Variants in TMEM132D observed in about 807,000 individuals in gnomAD.
TMEM132D encodes the protein transmembrane protein 132D.
TMEM132D carries 21 observed loss-of-function variants against 62.3 expected under a neutral mutation model. The ratio of observed to expected loss-of-function variants is 0.34; its 90% confidence interval spans 0.24 to 0.49. The LOEUF is 0.49. Ranked by LOEUF, TMEM132D falls within the 20% of genes least tolerant of loss-of-function variation. TMEM132D has a pLI of 0.99. For missense variants in TMEM132D, 1,346 were observed against 1,402.8 expected, an observed-to-expected ratio of 0.96 and a Z score of 0.65; for synonymous variants, 621 against 575.6, an observed-to-expected ratio of 1.08 and a Z score of -1.13.
At chr12:129,197,030 T>C (rs533783093) in intron 5 of TMEM132D, among the ~76,000 whole-genome samples, 2 of 152,246 alleles carry the variant, frequency 1.3e-5, no homozygotes, top group East Asian at 3.9e-4. Flanking sequence ...TGGCACTTTC[T>C]CTACAGAGGA....
chr12:129,157,614 A>G (rs1877285274), intron 5 of TMEM132D, among the ~76,000 whole-genome samples: 1 of 152,250 alleles, frequency 6.6e-6, no homozygotes, highest in Non-Finnish European at 1.5e-5. Flanking sequence ...TACAAATGCA[A>G]ATGAAACACA....
At chr12:129,719,988 C>T (rs947309603) in intron 1 of TMEM132D, among the ~76,000 whole-genome samples, 4 of 151,558 alleles carry the variant, frequency 2.6e-5, no homozygotes, top group Non-Finnish European at 4.4e-5. Context: ...AAATCTCAAG[C>T]GGGCCATTAA....
intron 3 of TMEM132D, among the ~76,000 whole-genome samples, chr12:129,383,531 C>T (rs1871013973): frequency 6.6e-6 from 1 of 152,086 alleles, no homozygotes. Flanking sequence ...CTCACTGCAC[C>T]CTCTGCCTCC....
intron 3 of TMEM132D, among the ~76,000 whole-genome samples, chr12:129,363,198 A>G (rs57525660): frequency 0.018 from 2,769 of 152,308 alleles, 95 homozygotes; most frequent in African/African-American, 0.063. Context: ...AGGGAAAGCG[A>G]CATCACAGCT....
At chr12:129,380,377 T>C (rs1218031221) in intron 3 of TMEM132D, among the ~76,000 whole-genome samples, 1 of 152,194 alleles carries the variant, frequency 6.6e-6, no homozygotes, top group Non-Finnish European at 1.5e-5. Context: ...TTGTAACTTA[T>C]ATTGATATAA....
chr12:129,308,347 A>G (rs1220941924), intron 4 of TMEM132D, among the ~76,000 whole-genome samples: 3 of 152,202 alleles, frequency 2.0e-5, no homozygotes, highest in Non-Finnish European at 4.4e-5. Context: ...GTAAACATCC[A>G]TAAAGTATCT....
intron 4 of TMEM132D, among the ~76,000 whole-genome samples, chr12:129,327,687 C>G (rs11060248): frequency 6.6e-6 from 1 of 152,034 alleles, no homozygotes; most frequent in African/African-American, 2.4e-5. Flanking sequence ...TTATCTTCAC[C>G]ATCCCCATCA....
intron 3 of TMEM132D, among the ~76,000 whole-genome samples, chr12:129,513,856 G>T (rs1875585627): frequency 8.2e-6 from 1 of 121,522 alleles, no homozygotes; most frequent in Non-Finnish European, 1.8e-5. Context: ...TTATTTTTTT[G>T]AGACGGAGTC....
At chr12:129,289,930 C>T (rs763581735) in intron 4 of TMEM132D, among the ~76,000 whole-genome samples, 9 of 152,216 alleles carry the variant, frequency 5.9e-5, no homozygotes, top group South Asian at 2.1e-4. Context: ...ACTAAGCAGA[C>T]GCAGCCACCC....
chr12:129,719,001 C>T (rs552351476), intron 1 of TMEM132D, among the ~76,000 whole-genome samples: 2 of 151,220 alleles, frequency 1.3e-5, no homozygotes, highest in Non-Finnish European at 2.9e-5. Flanking sequence ...CATTGGGAAG[C>T]CAAGGCAGAC....
chr12:129,635,933 T>G (rs1290675048), intron 2 of TMEM132D, among the ~76,000 whole-genome samples: 1 of 152,256 alleles, frequency 6.6e-6, no homozygotes, highest in Non-Finnish European at 1.5e-5. Context: ...ACAGGACAAC[T>G]GTCCTGATGC....
intron 1 of TMEM132D, among the ~76,000 whole-genome samples, chr12:129,761,699 A>C (rs943655388): frequency 6.6e-6 from 1 of 151,390 alleles, no homozygotes; most frequent in African/African-American, 2.4e-5. Flanking sequence ...CTGCTTTCAC[A>C]GGGGATTTGG....
At chr12:129,721,247 G>A (rs374618268) in intron 1 of TMEM132D, among the ~76,000 whole-genome samples, 1 of 152,182 alleles carries the variant, frequency 6.6e-6, no homozygotes, top group Non-Finnish European at 1.5e-5. Flanking sequence ...GGCTGGCCCG[G>A]TGTTCCCTCT....
chr12:129,274,819 G>A (rs940458421), intron 4 of TMEM132D, among the ~76,000 whole-genome samples: 13 of 152,232 alleles, frequency 8.5e-5, no homozygotes, highest in South Asian at 2.1e-4. Context: ...CCCGGGAGGC[G>A]GAGCTTGCAG....
chr12:129,568,964 T>C (rs927144087), intron 2 of TMEM132D, among the ~76,000 whole-genome samples: 4 of 152,102 alleles, frequency 2.6e-5, no homozygotes, highest in Admixed American at 1.3e-4. Flanking sequence ...CACAGAAGGT[T>C]GGGCCCCATA....
In TMEM132D at chr12:129,154,903, C is replaced by T. The variant is rs114129147; in HGVS notation, c.1443+54617G>A. ...CAATTGCTGTTGATTTCTCTGTGCA[C>T]GCCACTGAAAAGACACTTTCTCAGT... On this transcript the variant is annotated intron_variant, in intron 5 of 8. Coordinates refer to ENST00000422113, the MANE Select transcript of TMEM132D (RefSeq NM_133448.3). Among the ~76,000 whole-genome samples, 807 of 152,172 alleles carry T rather than the reference C, an allele frequency of 5.3e-3. 6 individuals carry two copies. The highest frequency in any genetic ancestry group is 0.017 in the African/African-American group (706 of 41,502).
At chr12:129,529,142 T>C in intron 3 of TMEM132D, among the ~76,000 whole-genome samples, 1 of 152,120 alleles carries the variant, frequency 6.6e-6, no homozygotes, top group Admixed American at 6.5e-5. Flanking sequence ...TATCCTGGCC[T>C]CCAGAAGACA....
intron 2 of TMEM132D, among the ~76,000 whole-genome samples, chr12:129,585,261 C>T (rs1877991602): frequency 2.6e-5 from 4 of 152,220 alleles, no homozygotes. Flanking sequence ...TACATACACA[C>T]TGTCATGCCC....
At chr12:129,355,616 A>T (rs950320488) in intron 3 of TMEM132D, among the ~76,000 whole-genome samples, 3 of 152,314 alleles carry the variant, frequency 2.0e-5, no homozygotes, top group African/African-American at 4.8e-5. Flanking sequence ...TCCAAAGGTT[A>T]TCTGAATGAG....
Sources: gnomAD v4.1 joint callset for allele counts (sites outside exome capture counted in the v4.1 genomes callset) on GRCh38, gnomAD v4.1.1 for gene constraint, MANE v1.5 for transcripts, NCBI Gene and HGNC (gene_info 2026-07-23, HGNC 2026-07-21) for gene names.